The following PRKG1 variants were observed in gnomAD, a reference collection of about 807,000 sequenced individuals.
PRKG1 encodes the protein protein kinase cGMP-dependent 1.
PRKG1 carries 35 observed loss-of-function variants against 88.1 expected under a neutral mutation model. The ratio of observed to expected loss-of-function variants is 0.40; its 90% CI spans 0.30 to 0.53. The LOEUF is 0.53. Among genes scored for constraint, PRKG1 ranks in the 20% least tolerant of loss-of-function variants. The probability of loss-of-function intolerance (pLI) is 0.59; values close to 1 mark genes in which losing one functional copy is unlikely to be tolerated. For missense variants in PRKG1, 540 were observed against 839.8 expected, an observed-to-expected ratio of 0.64 and a Z score of 4.41; for synonymous variants, 303 against 292.5, an observed-to-expected ratio of 1.04 and a Z score of -0.37.
chr10:51,515,024 G>A (rs1204583935), intron 3 of PRKG1, among the ~76,000 whole-genome samples: 3 of 152,148 alleles, frequency 2.0e-5, no homozygotes, highest in African/African-American at 7.2e-5. Context: ...GTTGTGACAA[G>A]TAAAGTTGTC....
At chr10:51,608,794 A>G (rs1838830444) in intron 3 of PRKG1, among the ~76,000 whole-genome samples, 1 of 152,180 alleles carries the variant, frequency 6.6e-6, no homozygotes, top group African/African-American at 2.4e-5. Context: ...ATAGAGTTGA[A>G]AAATTCTTAC....
chr10:51,515,632 T>C (rs1841557113), intron 3 of PRKG1, among the ~76,000 whole-genome samples: 1 of 152,206 alleles, frequency 6.6e-6, no homozygotes, highest in African/African-American at 2.4e-5. Flanking sequence ...CTCTGTTGAA[T>C]TTTAATATTG....
intron 1 of PRKG1, among the ~76,000 whole-genome samples, chr10:51,146,812 G>GA (rs1241059373): frequency 1.3e-5 from 2 of 152,070 alleles, no homozygotes; most frequent in Non-Finnish European, 2.9e-5. Context: ...TCAAAGGAAA[G>GA]AAAATCAGTA....
At chr10:51,276,689 T>G (rs1310885281) in intron 2 of PRKG1, among the ~76,000 whole-genome samples, 1 of 152,194 alleles carries the variant, frequency 6.6e-6, no homozygotes, top group African/African-American at 2.4e-5. Context: ...TCACTGTGGT[T>G]TTGATTTGCA....
rs1433048297 is a variant in PRKG1, at chr10:51,205,127, C to CTTTCTTT, written c.478+51800_478+51801insCTTTTTT. Among the ~76,000 whole-genome samples the CTTTCTTT allele has an allele frequency of 9.7e-4, 62 of 64,016 alleles. 14 individuals are homozygous for CTTTCTTT. Among genetic ancestry groups the CTTTCTTT allele is most frequent in the South Asian group, 2.7e-3 (4 of 1,456 alleles). 42.0% of individuals were successfully genotyped at this position (64,016 alleles called of 152,430 possible). On this transcript the variant is annotated intron_variant, in intron 2 of 17. Coordinates refer to ENST00000373980, the MANE Select transcript of PRKG1 (RefSeq NM_006258.4). ...TAAGGAAGAATTTTCATTTTCTTTT[C>CTTTCTTT]TTTTTTTTTTTTTTTTTTTTTTTTT...
chr10:51,474,840 A>C (rs1017944840), intron 3 of PRKG1, among the ~76,000 whole-genome samples: 2 of 151,932 alleles, frequency 1.3e-5, no homozygotes, highest in African/African-American at 2.4e-5. Flanking sequence ...TAACCTTAGC[A>C]CTTCGTTGGT....
At chr10:51,316,550 C>T (rs557214188) in intron 2 of PRKG1, among the ~76,000 whole-genome samples, 10 of 152,054 alleles carry the variant, frequency 6.6e-5, no homozygotes, top group East Asian at 3.9e-4. Context: ...GGCCTGATGG[C>T]GGGCACCTGT....
chr10:51,520,787 T>C (rs2132076491), intron 3 of PRKG1, among the ~76,000 whole-genome samples: 1 of 152,346 alleles, frequency 6.6e-6, no homozygotes, highest in South Asian at 2.1e-4. Flanking sequence ...TTAGAGGGAA[T>C]TGTAGAATGA....
intron 5 of PRKG1, among the ~76,000 whole-genome samples, chr10:51,942,046 GA>G (rs1394742113): frequency 7.2e-5 from 11 of 152,038 alleles, no homozygotes; most frequent in African/African-American, 2.7e-4. Flanking sequence ...CACAAGGGTT[GA>G]ACTAGTTTAC....
At chr10:52,027,165 T>C (rs1181153309) in intron 5 of PRKG1, among the ~76,000 whole-genome samples, 2 of 152,168 alleles carry the variant, frequency 1.3e-5, no homozygotes, top group African/African-American at 4.8e-5. Flanking sequence ...ATTGGCTGGC[T>C]CTGTGCCTCT....
At chr10:52,253,715 T>C (rs1252258946) in intron 10 of PRKG1, among the ~76,000 whole-genome samples, 1 of 151,962 alleles carries the variant, frequency 6.6e-6, no homozygotes, top group Non-Finnish European at 1.5e-5. Context: ...TTTACTCTTT[T>C]AGACAGATGT....
intron 5 of PRKG1, among the ~76,000 whole-genome samples, chr10:51,918,476 A>T (rs1240905353): frequency 6.6e-6 from 1 of 152,116 alleles, no homozygotes; most frequent in African/African-American, 2.4e-5. Context: ...CAGAATATGC[A>T]TGCTTTGCTC....
intron 2 of PRKG1, among the ~76,000 whole-genome samples, chr10:51,376,882 G>T (rs2132620700): frequency 6.6e-6 from 1 of 152,108 alleles, no homozygotes; most frequent in African/African-American, 2.4e-5. Flanking sequence ...TCACCATGTT[G>T]GCCAGACTGT....
intron 1 of PRKG1, among the ~76,000 whole-genome samples, chr10:51,051,916 AAC>A (rs1309577404): frequency 2.0e-5 from 3 of 152,148 alleles, no homozygotes; most frequent in African/African-American, 7.2e-5. Flanking sequence ...AACCCTAACT[AAC>A]ACATGTGGGT....
intron 17 of PRKG1, among the ~76,000 whole-genome samples, chr10:52,290,693 A>C (rs1842219456): frequency 6.6e-6 from 1 of 152,036 alleles, no homozygotes; most frequent in Non-Finnish European, 1.5e-5. Flanking sequence ...TCTACAAAAA[A>C]AGAAAAGAAA....
intron 12 of PRKG1, among the ~76,000 whole-genome samples, chr10:52,279,839 T>C (rs1407234702): frequency 6.6e-6 from 1 of 151,938 alleles, no homozygotes; most frequent in East Asian, 1.9e-4. Flanking sequence ...TGAAATGAAA[T>C]TATTAAATTG....
intron 2 of PRKG1, among the ~76,000 whole-genome samples, chr10:51,231,795 TA>T (rs1173795274): frequency 6.6e-6 from 1 of 152,140 alleles, no homozygotes; most frequent in Non-Finnish European, 1.5e-5. Flanking sequence ...TGTTAGTGGC[TA>T]CCAAGCCAAG....
chr10:51,496,304 T>C (rs578243672), intron 3 of PRKG1, among the ~76,000 whole-genome samples: 1 of 152,280 alleles, frequency 6.6e-6, no homozygotes, highest in South Asian at 2.1e-4. Flanking sequence ...GAGGCAAATA[T>C]CTGATTTACT....
chr10:52,036,726 A>C (rs1165409555), intron 5 of PRKG1, among the ~76,000 whole-genome samples: 4 of 152,110 alleles, frequency 2.6e-5, no homozygotes, highest in African/African-American at 9.7e-5. Flanking sequence ...AATTTAGTTA[A>C]AGTGTCTCAG....
Sources: allele counts gnomAD v4.1 joint callset (sites outside exome capture counted in the v4.1 genomes callset), GRCh38; gene constraint gnomAD v4.1.1; transcripts MANE v1.5; gene names NCBI Gene and HGNC (gene_info 2026-07-23, HGNC 2026-07-21).